TNNI3K: variants seen among roughly 807,000 people sequenced by gnomAD.
TNNI3K encodes the protein serine/threonine-protein kinase TNNI3K.
Under a neutral mutation model 114.5 loss-of-function variants are expected in TNNI3K, and 140 were observed. That is an observed-to-expected ratio of 1.22 (90% CI 1.07 to 1.41). TNNI3K has a LOEUF of 1.41. TNNI3K is among the 40% of genes most tolerant of loss of function. The pLI is 0.00. For missense variants in TNNI3K, 1,125 were observed against 1,007.6 expected, an observed-to-expected ratio of 1.12 and a Z score of -1.58; for synonymous variants, 347 against 347.5, an observed-to-expected ratio of 1.00 and a Z score of 0.02.
chr1:74,494,762 G>T (rs1398816499), intron 23 of TNNI3K, among the ~76,000 whole-genome samples: 1 of 152,190 alleles, frequency 6.6e-6, no homozygotes, highest in East Asian at 1.9e-4. Flanking sequence ...AATCTCACAT[G>T]TAAAATACTG....
chr1:74,417,682 T>TTG (rs10529693), intron 17 of TNNI3K, among the ~76,000 whole-genome samples: 3,676 of 137,016 alleles, frequency 0.027, 59 homozygotes, highest in Non-Finnish European at 0.042. Context: ...GTGTACGTGT[T>TTG]TGTGTGTGTG....
intron 21 of TNNI3K, chr1:74,480,323 T>A (rs1299864461): frequency 1.4e-6 from 1 of 717,786 alleles, no homozygotes; most frequent in East Asian, 2.7e-5. Context: ...GCAATTTAGG[T>A]CCTTGGCATT....
At chr1:74,261,794 C>A (rs1186657635) in intron 4 of TNNI3K, among the ~76,000 whole-genome samples, 1 of 152,066 alleles carries the variant, frequency 6.6e-6, no homozygotes, top group Non-Finnish European at 1.5e-5. Flanking sequence ...ATGATAAAAG[C>A]AGATATTGAA....
intron 17 of TNNI3K, among the ~76,000 whole-genome samples, chr1:74,387,453 T>G (rs1312311456): frequency 6.6e-6 from 1 of 152,218 alleles, no homozygotes; most frequent in Non-Finnish European, 1.5e-5. Context: ...GCTTTGAAGA[T>G]TAAGCTTCAT....
At chr1:74,253,932 A>G (rs973798324) in intron 4 of TNNI3K, among the ~76,000 whole-genome samples, 17 of 152,242 alleles carry the variant, frequency 1.1e-4, no homozygotes, top group African/African-American at 4.1e-4. Flanking sequence ...ACTACCAGGC[A>G]TTAAACCTAG....
At chr1:74,383,235 G>C (rs1329823140) in intron 17 of TNNI3K, among the ~76,000 whole-genome samples, 2 of 151,850 alleles carry the variant, frequency 1.3e-5, no homozygotes, top group African/African-American at 4.8e-5. Flanking sequence ...ATATGAGTGA[G>C]GCTAAAGAGC....
intron 20 of TNNI3K, among the ~76,000 whole-genome samples, chr1:74,441,489 G>A (rs1666371862): frequency 6.6e-6 from 1 of 152,064 alleles, no homozygotes; most frequent in South Asian, 2.1e-4. Flanking sequence ...TCAAATAATT[G>A]AGGCTTTTGT....
At chr1:74,522,629 A>G (rs1646449165) in intron 23 of TNNI3K, among the ~76,000 whole-genome samples, 1 of 151,156 alleles carries the variant, frequency 6.6e-6, no homozygotes, top group East Asian at 1.9e-4. Flanking sequence ...TCTGGTCCCT[A>G]AGGTGTATGT....
At chr1:74,399,927 G>A (rs917680513) in intron 17 of TNNI3K, among the ~76,000 whole-genome samples, 2 of 152,156 alleles carry the variant, frequency 1.3e-5, no homozygotes, top group African/African-American at 4.8e-5. Context: ...GGAACCAAAG[G>A]CAGATGTCAC....
At chr1:74,424,626 A>C (rs1286376933) in intron 17 of TNNI3K, among the ~76,000 whole-genome samples, 1 of 151,382 alleles carries the variant, frequency 6.6e-6, no homozygotes, top group Admixed American at 6.6e-5. Flanking sequence ...GGCTGAGGCA[A>C]GAGAATCCCT....
chr1:74,352,509 A>G (rs551309837), intron 9 of TNNI3K, among the ~76,000 whole-genome samples: 1 of 152,196 alleles, frequency 6.6e-6, no homozygotes, highest in East Asian at 1.9e-4. Context: ...AGACAGGGAC[A>G]TTTAAGTCTA....
At chr1:74,505,728 A>G (rs1669862595) in intron 23 of TNNI3K, among the ~76,000 whole-genome samples, 2 of 152,328 alleles carry the variant, frequency 1.3e-5, no homozygotes, top group South Asian at 4.1e-4. Context: ...AACCTATGAG[A>G]TGGAGTTTTT....
chr1:74,330,004 A>G (rs1477094554), intron 5 of TNNI3K, among the ~76,000 whole-genome samples: 2 of 152,126 alleles, frequency 1.3e-5, no homozygotes, highest in Non-Finnish European at 2.9e-5. Context: ...TATTTGACCA[A>G]CTGAAGAATA....
intron 5 of TNNI3K, among the ~76,000 whole-genome samples, chr1:74,289,089 A>G (rs1657505272): frequency 6.6e-6 from 1 of 151,940 alleles, no homozygotes; most frequent in Admixed American, 6.6e-5. Context: ...TAAAAAAATC[A>G]ATTATTTTTA....
Position 74,460,571 on chromosome 1 carries a change from T to G in TNNI3K, c.2012-2870T>G, listed in dbSNP as rs77687387. Among the ~76,000 whole-genome samples, 513 of 152,368 alleles carry G rather than the reference T, an allele frequency of 3.4e-3. 11 individuals are homozygous for G. The East Asian group carries it at 0.047, about 14-fold the overall frequency. ...TACATAAATCCTCTAACATATTTTT[T>G]GTAGCAATCAAGGTAAAAATTTGAT... On this transcript the variant is annotated intron_variant, in intron 20 of 24. Transcript: ENST00000326637.
intron 5 of TNNI3K, among the ~76,000 whole-genome samples, chr1:74,276,331 A>T (rs1017084806): frequency 1.3e-5 from 2 of 152,150 alleles, no homozygotes; most frequent in Non-Finnish European, 2.9e-5. Flanking sequence ...ATGGATGGTC[A>T]TAGGACCGAG....
chr1:74,502,987 G>A (rs1669711672), intron 23 of TNNI3K, among the ~76,000 whole-genome samples: 1 of 152,216 alleles, frequency 6.6e-6, no homozygotes, highest in African/African-American at 2.4e-5. Context: ...TGACACTTGT[G>A]GACTAGCTTT....
intron 20 of TNNI3K, among the ~76,000 whole-genome samples, chr1:74,459,470 G>T (rs752711284): frequency 1.3e-5 from 2 of 152,086 alleles, no homozygotes; most frequent in Non-Finnish European, 2.9e-5. Flanking sequence ...TAGATGTTAC[G>T]AAGGAAAAAG....
At chr1:74,243,419 G>C (rs530167061) in intron 2 of TNNI3K, among the ~76,000 whole-genome samples, 4 of 152,134 alleles carry the variant, frequency 2.6e-5, no homozygotes, top group Non-Finnish European at 5.9e-5. Flanking sequence ...ATCAATTTGG[G>C]AAACTAGACA....
Sources: allele counts gnomAD v4.1 joint callset (sites outside exome capture counted in the v4.1 genomes callset), GRCh38; gene constraint gnomAD v4.1.1; transcripts MANE v1.5; gene names NCBI Gene and HGNC (gene_info 2026-07-23, HGNC 2026-07-21).